Variants in CNGB1 observed in about 807,000 individuals in gnomAD.
CNGB1 encodes cyclic nucleotide gated channel subunit beta 1, also known as cyclic nucleotide-gated channel beta-1.
In CNGB1, 126 loss-of-function variants were observed where a neutral mutation model predicts 151.7. The observed-to-expected ratio is 0.83, with a 90% CI of 0.72 to 0.96. The LOEUF (loss-of-function observed/expected upper bound fraction) is 0.96. CNGB1 is among the 40% of genes least tolerant of loss of function. The pLI is 0.00. For synonymous variants in CNGB1, 623 were observed against 635.1 expected (o/e 0.98, Z 0.29); for missense variants, 1,698 against 1,627.0 (o/e 1.04, Z -0.75).
intron 14 of CNGB1, 151 bp downstream of exon 14, chr16:57,949,202 C>G (rs1961884531): frequency 2.1e-6 from 3 of 1,415,796 alleles, no homozygotes; most frequent in African/African-American, 1.4e-5. Context: ...GGAACCCCAG[C>G]TTCTCGCAGC....
Position 57,923,255 on chromosome 16 carries a change from A to AC in CNGB1, c.1643+17dup. 1 of 1,525,336 alleles carries AC rather than the reference A, an allele frequency of 6.6e-7. No individual in the cohort carries two copies. The highest frequency in any genetic ancestry group is 9.0e-7 in the Non-Finnish European group (1 of 1,114,592). The allele number at this position is 1,525,336 out of a possible 1,614,324, so 94.5% of individuals were successfully genotyped here. On this transcript the variant is annotated intron_variant, in intron 18 of 32. Coordinates refer to ENST00000251102, the MANE Select transcript of CNGB1 (RefSeq NM_001297.5). ...CCCCGCAGTCTTTCAATTTTCTGAG[A>AC]CCCCAGAGGGGTCTCACTCAGTGTC...
At chr16:57,948,858 G>A (rs1961873552) in intron 14 of CNGB1, among the ~76,000 whole-genome samples, 1 of 152,200 alleles carries the variant, frequency 6.6e-6, no homozygotes, top group African/African-American at 2.4e-5. Context: ...ATATGGATGT[G>A]GGTGGACGAT....
intron 27 of CNGB1, among the ~76,000 whole-genome samples, chr16:57,902,256 A>G (rs113898673): frequency 6.6e-6 from 1 of 151,798 alleles, no homozygotes; most frequent in African/African-American, 2.4e-5. Flanking sequence ...TTTTTAGTAG[A>G]AACGGGGTTT....
intron 16 of CNGB1, among the ~76,000 whole-genome samples, chr16:57,935,826 C>T (rs575596034): frequency 2.6e-5 from 4 of 151,976 alleles, no homozygotes; most frequent in East Asian, 3.9e-4. Context: ...AGATTCAAGG[C>T]TTGCCTACCA....
At chr16:57,934,422 G>A (rs1461491011) in intron 16 of CNGB1, among the ~76,000 whole-genome samples, 2 of 152,020 alleles carry the variant, frequency 1.3e-5, no homozygotes, top group South Asian at 2.1e-4. Context: ...GCGAAAGAGC[G>A]AGACCCTGTC....
intron 14 of CNGB1, among the ~76,000 whole-genome samples, chr16:57,947,561 G>T (rs1221005689): frequency 6.6e-6 from 1 of 152,154 alleles, no homozygotes; most frequent in Non-Finnish European, 1.5e-5. Flanking sequence ...AAGTCAGCGG[G>T]GCATATGGAT....
At chr16:57,940,050 G>A (rs886200370) in intron 15 of CNGB1, among the ~76,000 whole-genome samples, 184 bp downstream of exon 15, 12 of 152,294 alleles carry the variant, frequency 7.9e-5, no homozygotes, top group South Asian at 4.1e-4. Flanking sequence ...CCCCACCCAC[G>A]GCCTGGGCCG....
Position 57,882,344 on chromosome 16 carries a change from A to G in CNGB1, c.*1820T>C, listed in dbSNP as rs1959778145. The G allele has an allele frequency of 1.3e-5, 2 of 151,262 alleles. No individual in the cohort carries two copies. Among genetic ancestry groups the G allele is most frequent in the Non-Finnish European group, 3.0e-5 (2 of 67,742 alleles). The allele number at this position is 151,262 out of a possible 1,614,324, so 9.4% of individuals were successfully genotyped here. On this transcript the variant is annotated 3_prime_UTR_variant, in exon 33 of 33. Transcript: ENST00000251102. ...TTTAAAGCTTTTTTTTTTAAAAAAA[A>G]AATAGGGTAAAATAATAAGGTCAAT...
chr16:57,964,539 G>T lies in CNGB1; in HGVS notation c.165C>A (p.Pro55=). The T allele has an allele frequency of 6.2e-7, 1 of 1,614,046 alleles. No individual in the cohort carries two copies. The highest frequency in any genetic ancestry group is 8.5e-7 in the Non-Finnish European group (1 of 1,180,004). Residue 55 remains proline, a synonymous_variant, in exon 3 of 33, where the codon CCC becomes CCA. Transcript: ENST00000251102. ...CTTCCTCCTCCTTGAATGACTCTTCGGGGGGCTAGAGGGTTCGAACAGGAT... is the reference window on the plus strand; with the variant it reads ...CTTCCTCCTCCTTGAATGACTCTTCTGGGGGCTAGAGGGTTCGAACAGGAT... ...EAETESESMP[P]EESFKEEEVA...
At chr16:57,919,032 C>T in intron 20 of CNGB1, 67 bp downstream of exon 20, 2 of 1,610,938 alleles carry the variant, frequency 1.2e-6, no homozygotes, top group Admixed American at 3.4e-5. Flanking sequence ...GACCCTCTCC[C>T]CATCCCGCTC....
chr16:57,902,220 A>G (rs1960410726), intron 27 of CNGB1, among the ~76,000 whole-genome samples: 1 of 151,488 alleles, frequency 6.6e-6, no homozygotes, highest in Non-Finnish European at 1.5e-5. Context: ...ACAGGTGCCC[A>G]CCACCACGCG....
At chr16:57,886,629 G>T (rs1959936701) in intron 32 of CNGB1, among the ~76,000 whole-genome samples, 2 of 152,110 alleles carry the variant, frequency 1.3e-5, no homozygotes, top group African/African-American at 2.4e-5. Context: ...AGTTCACTGG[G>T]CTCCTTTGAA....
chr16:57,961,518 G>A (rs58550453), intron 7 of CNGB1, among the ~76,000 whole-genome samples: 7,635 of 152,166 alleles, frequency 0.05, 622 homozygotes, highest in African/African-American at 0.17. Flanking sequence ...AAGAAGGCTG[G>A]TGAGTCCTCT....
At chr16:57,904,207 C>G (rs1329204282) in intron 26 of CNGB1, among the ~76,000 whole-genome samples, 1 of 152,094 alleles carries the variant, frequency 6.6e-6, no homozygotes, top group African/African-American at 2.4e-5. Flanking sequence ...GACTGCCAGC[C>G]CCTTGGTGGC....
At chr16:57,935,567 C>A (rs1252046295) in intron 16 of CNGB1, among the ~76,000 whole-genome samples, 1 of 151,872 alleles carries the variant, frequency 6.6e-6, no homozygotes, top group African/African-American at 2.4e-5. Context: ...GTGGTCCCAG[C>A]TACTCGGGAG....
At position 57,955,122 on chromosome 16, in the gene CNGB1, G is replaced by A. The variant is rs1962052467; in HGVS notation, c.874+2219C>T. ...AAATCTTGCAGGCTGCCCATGGCTG[G>A]CCTTCCCCTTGTTCTGGTCTGGGAG... On this transcript the variant is annotated intron_variant, in intron 12 of 32. Transcript: ENST00000251102. 8 of 1,431,016 alleles carry A rather than the reference G, an allele frequency of 5.6e-6. No homozygotes were observed. The South Asian group carries it at 1.0e-4, about 18-fold the overall frequency. 88.6% of individuals were successfully genotyped at this position (1,431,016 alleles called of 1,614,324 possible).
chr16:57,938,757 G>A (rs1961578482), intron 16 of CNGB1, among the ~76,000 whole-genome samples: 1 of 152,176 alleles, frequency 6.6e-6, no homozygotes, highest in African/African-American at 2.4e-5. Flanking sequence ...GGAGTGTAAG[G>A]CACGCAACAC....
At chr16:57,943,375 C>CA (rs1442884990) in intron 14 of CNGB1, among the ~76,000 whole-genome samples, 7 of 152,078 alleles carry the variant, frequency 4.6e-5, no homozygotes, top group African/African-American at 1.4e-4. Context: ...TGGCAATTAT[C>CA]AAAAAAACAA....
chr16:57,922,327 G>A (rs7184838), intron 18 of CNGB1, among the ~76,000 whole-genome samples: 15,287 of 152,050 alleles, frequency 0.1, 2,225 homozygotes, highest in African/African-American at 0.32. Context: ...CAGATCCTTC[G>A]GGAAGAAACC....
Sources: gnomAD v4.1 joint callset for allele counts (sites outside exome capture counted in the v4.1 genomes callset) on GRCh38, gnomAD v4.1.1 for gene constraint, MANE v1.5 for transcripts, NCBI Gene and HGNC (gene_info 2026-07-23, HGNC 2026-07-21) for gene names.